The following PLSCR2 variants were observed in gnomAD, a reference collection of about 807,000 sequenced individuals.
PLSCR2 encodes phospholipid scramblase 2, also known as PL scramblase 2.
In PLSCR2, 18 loss-of-function variants were observed where a neutral mutation model predicts 25.3. That is an observed-to-expected ratio of 0.71 (90% CI 0.49 to 1.06). The LOEUF (loss-of-function observed/expected upper bound fraction) is 1.06, where lower values mean the gene tolerates loss of function less well. PLSCR2 is among the 50% of genes least tolerant of loss of function. The probability of loss-of-function intolerance (pLI) is 0.00; values close to 1 mark genes in which losing one functional copy is unlikely to be tolerated. For synonymous variants in PLSCR2, 88 were observed against 87.3 expected, an observed-to-expected ratio of 1.01 and a Z score of -0.04; for missense variants, 243 against 269.5, an observed-to-expected ratio of 0.90 and a Z score of 0.69.
chr3:146,444,846 C>T (rs187123770), intron 6 of PLSCR2, among the ~76,000 whole-genome samples: 85 of 151,824 alleles, frequency 5.6e-4, no homozygotes, highest in African/African-American at 1.9e-3. Context: ...TCTTTCCTTC[C>T]TTCCTGTCAT....
At chr3:146,454,446 T>C (rs1251894703) in intron 4 of PLSCR2, among the ~76,000 whole-genome samples, 2 of 152,170 alleles carry the variant, frequency 1.3e-5, no homozygotes, top group Non-Finnish European at 2.9e-5. Flanking sequence ...ATAAATAACT[T>C]CAGTTATCCT....
intron 2 of PLSCR2, among the ~76,000 whole-genome samples, chr3:146,422,248 G>C (rs1157192091): frequency 6.6e-6 from 1 of 152,042 alleles, no homozygotes; most frequent in African/African-American, 2.4e-5. Context: ...GAATCTGCAG[G>C]AATTGCTTGA....
rs1037919059 is a variant in PLSCR2 at position 146,434,667 on chromosome 3, T to G, written c.*35-1150A>C. ...AACAAATGGAAACAAATGATTTTAT[T>G]TATTTTTACAAGAAAGTCATTTCAC... On this transcript the variant is annotated intron_variant, in intron 8 of 8. Transcript: ENST00000336685. Among the ~76,000 whole-genome samples the G allele has an allele frequency of 2.5e-4, 38 of 152,246 alleles. 1 individual carries two copies. Among genetic ancestry groups the G allele is most frequent in the African/African-American group, 7.7e-4 (32 of 41,560 alleles).
intron 1 of PLSCR2, among the ~76,000 whole-genome samples, chr3:146,493,228 T>C (rs1253122458): frequency 6.6e-6 from 1 of 152,084 alleles, no homozygotes; most frequent in Non-Finnish European, 1.5e-5. Context: ...AAATAATAGA[T>C]GATAACAGTC....
intron 1 of PLSCR2, among the ~76,000 whole-genome samples, chr3:146,493,290 T>G (rs1319769051): frequency 6.6e-6 from 1 of 152,162 alleles, no homozygotes; most frequent in Non-Finnish European, 1.5e-5. Context: ...TTCTAACTCA[T>G]TTTAGGAGGC....
intron 1 of PLSCR2, among the ~76,000 whole-genome samples, chr3:146,493,854 A>G (rs2043649329): frequency 7.6e-6 from 1 of 131,582 alleles, no homozygotes; most frequent in Non-Finnish European, 1.5e-5. Flanking sequence ...AGTATATGTC[A>G]CTGGATTCAT....
At chr3:146,436,118 T>C (rs2039839474) in intron 8 of PLSCR2, among the ~76,000 whole-genome samples, 1 of 152,188 alleles carries the variant, frequency 6.6e-6, no homozygotes, top group African/African-American at 2.4e-5. Flanking sequence ...CTCTGTTCTG[T>C]TCCATTGGTC....
chr3:146,453,727 G>T (rs772557499), intron 5 of PLSCR2, among the ~76,000 whole-genome samples: 2 of 152,122 alleles, frequency 1.3e-5, no homozygotes, highest in Non-Finnish European at 2.9e-5. Context: ...AATATATAGT[G>T]TCACCACACA....
intron 2 of PLSCR2, among the ~76,000 whole-genome samples, chr3:146,419,441 A>C (rs1389375952): frequency 6.6e-6 from 1 of 152,104 alleles, no homozygotes; most frequent in African/African-American, 2.4e-5. Context: ...AAAGCCACTT[A>C]TGTATTTTTA....
downstream of PLSCR2, among the ~76,000 whole-genome samples, chr3:146,438,580 G>A (rs1171369734): frequency 6.6e-6 from 1 of 152,134 alleles, no homozygotes; most frequent in Non-Finnish European, 1.5e-5. Flanking sequence ...TGTTTTATCA[G>A]AGTCTAGGAT....
At chr3:146,396,014 TATAATCATACTGATTGTACCCAAC>T in intron 2 of PLSCR2, 1 of 215,968 alleles carries the variant, frequency 4.6e-6, no homozygotes, top group South Asian at 5.6e-5. Flanking sequence ...CTTGATGAGT[TATAATCATACTGATTGTACCCAAC>T]AATTTACAAA....
intron 2 of PLSCR2, among the ~76,000 whole-genome samples, chr3:146,416,032 C>T (rs2038996860): frequency 6.6e-6 from 1 of 152,074 alleles, no homozygotes; most frequent in African/African-American, 2.4e-5. Flanking sequence ...CTCACTGCAA[C>T]CTCTGTTTCC....
At chr3:146,424,155 A>G (rs553787764) in intron 2 of PLSCR2, among the ~76,000 whole-genome samples, 1 of 150,560 alleles carries the variant, frequency 6.6e-6, no homozygotes, top group African/African-American at 2.4e-5. Context: ...AGATCAAGGT[A>G]TCAGCATGGT....
intron 1 of PLSCR2, among the ~76,000 whole-genome samples, chr3:146,484,519 A>G (rs1015323714): frequency 6.6e-6 from 1 of 152,088 alleles, no homozygotes; most frequent in Admixed American, 6.6e-5. Flanking sequence ...TGAAGGAAAT[A>G]CTGTTAAGGG....
chr3:146,469,334 C>G (rs533756), intron 1 of PLSCR2, 161 bp downstream of exon 1: 522,834 of 982,752 alleles, frequency 0.53, 140,407 homozygotes, highest in South Asian at 0.67. Context: ...CCTGGGGCCC[C>G]TTGCCGAGTT....
intron 1 of PLSCR2, among the ~76,000 whole-genome samples, chr3:146,484,440 C>T (rs1219989369): frequency 6.6e-6 from 1 of 151,898 alleles, no homozygotes; most frequent in African/African-American, 2.4e-5. Context: ...ATGCAGAGAA[C>T]ACCATTAAGA....
At chr3:146,473,400 C>G (rs923439066) in intron 1 of PLSCR2, among the ~76,000 whole-genome samples, 5 of 151,376 alleles carry the variant, frequency 3.3e-5, no homozygotes, top group African/African-American at 1.2e-4. Flanking sequence ...CTCCACCTCC[C>G]AGGATCAAGC....
chr3:146,422,481 T>G (rs1312661250), intron 2 of PLSCR2, among the ~76,000 whole-genome samples: 1 of 152,110 alleles, frequency 6.6e-6, no homozygotes, highest in Non-Finnish European at 1.5e-5. Flanking sequence ...GCAACCTAAT[T>G]GAAGACAGCT....
At position 146,481,611 on chromosome 3, in the gene PLSCR2, T is replaced by C. The variant is rs550265678; in HGVS notation, c.-293+14284A>G. On this transcript the variant is annotated intron_variant, in intron 1 of 8. Transcript: ENST00000336685. Reference sequence around the variant, plus strand: ...AAACAAATGGAAGAACATTCCATGCTCATGGATAGGAAGAATCAGTATTGT... The same window carrying C: ...AAACAAATGGAAGAACATTCCATGCCCATGGATAGGAAGAATCAGTATTGT... 1.1e-4 allele frequency among the ~76,000 whole-genome samples: 16 copies of C among 152,290 alleles called. 1 individual carries two copies. The South Asian group carries it at 3.3e-3, about 32-fold the overall frequency.
Sources: allele counts gnomAD v4.1 joint callset (sites outside exome capture counted in the v4.1 genomes callset), GRCh38; gene constraint gnomAD v4.1.1; transcripts MANE v1.5; gene names NCBI Gene and HGNC (gene_info 2026-07-23, HGNC 2026-07-21).